The following CNTN4 variants were observed in gnomAD, a reference collection of about 807,000 sequenced individuals.
The protein encoded by CNTN4 is contactin 4.
Under a neutral mutation model 122.5 loss-of-function variants are expected in CNTN4, and 77 were observed. The ratio of observed to expected loss-of-function variants is 0.63; its 90% confidence interval spans 0.52 to 0.76. The LOEUF (loss-of-function observed/expected upper bound fraction) is 0.76, where lower values mean the gene tolerates loss of function less well. Among genes scored for constraint, CNTN4 ranks in the 30% least tolerant of loss-of-function variants. CNTN4 has a pLI of 0.00. For missense variants in CNTN4, 1,256 were observed against 1,259.1 expected (o/e 1.00, Z 0.04); for synonymous variants, 512 against 447.0 (o/e 1.15, Z -1.83).
intron 8 of CNTN4, among the ~76,000 whole-genome samples, chr3:2,878,474 G>C (rs1164100108): frequency 1.3e-5 from 2 of 151,788 alleles, no homozygotes; most frequent in Non-Finnish European, 2.9e-5. Flanking sequence ...ATTGGGCTAA[G>C]ATTTGTGAAG....
chr3:2,967,808 ATT>A (rs1443095263), intron 13 of CNTN4, among the ~76,000 whole-genome samples: 1 of 148,786 alleles, frequency 6.7e-6, no homozygotes, highest in African/African-American at 2.5e-5. Flanking sequence ...AAAGAAAGGC[ATT>A]TTGTTTTTCA....
At chr3:2,731,327 C>T (rs1479443273) in intron 4 of CNTN4, among the ~76,000 whole-genome samples, 1 of 152,042 alleles carries the variant, frequency 6.6e-6, no homozygotes, top group Non-Finnish European at 1.5e-5. Context: ...TGGGTTTATC[C>T]ATCCTAATTC....
At chr3:2,744,282 C>T (rs555171756) in intron 5 of CNTN4, among the ~76,000 whole-genome samples, 32 of 152,308 alleles carry the variant, frequency 2.1e-4, no homozygotes, top group African/African-American at 7.0e-4. Context: ...AACTAACTCA[C>T]GTACATTTTT....
intron 4 of CNTN4, among the ~76,000 whole-genome samples, chr3:2,659,425 G>A (rs1196625351): frequency 7.5e-6 from 1 of 133,774 alleles, no homozygotes; most frequent in Admixed American, 8.9e-5. Flanking sequence ...TCACATCACT[G>A]CACTTCACCC....
rs529738833 is a variant in CNTN4 at position 2,891,573 on chromosome 3, A to G, written c.940+4349A>G. Among the ~76,000 whole-genome samples the G allele has an allele frequency of 5.9e-5, 9 of 152,346 alleles. No homozygotes were observed. In the Middle Eastern group the frequency reaches 0.01, roughly 173 times the overall value. On this transcript the variant is annotated intron_variant, in intron 10 of 24. Transcript: ENST00000418658. ...TGCCCTCTGACCCAAAACCTAAAGG[A>G]TGAAAATGAGCTAGGCTTTCAAGGG...
At chr3:2,217,795 A>C (rs1436254494) in intron 2 of CNTN4, among the ~76,000 whole-genome samples, 1 of 152,234 alleles carries the variant, frequency 6.6e-6, no homozygotes, top group Non-Finnish European at 1.5e-5. Context: ...ATGACCTTAG[A>C]ACAACTATTA....
At position 3,056,446 on chromosome 3, in the gene CNTN4, A is replaced by G; in HGVS notation, c.*226A>G. ...TCTGCAATGCACTGAAGACATCTGT[A>G]ATATGATGTTACCAAAGCAGTTTAC... On this transcript the variant is annotated 3_prime_UTR_variant, in exon 25 of 25. Coordinates refer to ENST00000418658, the MANE Select transcript of CNTN4 (RefSeq NM_175607.3). 2.1e-6 allele frequency: 1 copy of G among 481,408 alleles called. No homozygotes were observed. The highest frequency in any genetic ancestry group is 1.9e-5 in the African/African-American group (1 of 51,522). The allele number at this position is 481,408 out of a possible 1,614,324, so 29.8% of individuals were successfully genotyped here. A position where few individuals can be genotyped will look rare whatever the true frequency, so the allele number is the denominator to read the frequency against.
At chr3:2,361,540 T>A (rs1307917636) in intron 3 of CNTN4, among the ~76,000 whole-genome samples, 2 of 152,196 alleles carry the variant, frequency 1.3e-5, no homozygotes, top group Non-Finnish European at 2.9e-5. Context: ...TTCTGTGACT[T>A]TGGCATTGTT....
In CNTN4 at chr3:2,495,139, C is replaced by T. The variant is rs182948739; in HGVS notation, c.-88-76277C>T. Reference sequence around the variant, plus strand: ...AGATTATTTGAAATGCCGCCTTCAACATCATAATCAATATTTAATAGCAAT... The same window carrying T: ...AGATTATTTGAAATGCCGCCTTCAATATCATAATCAATATTTAATAGCAAT... On this transcript the variant is annotated intron_variant, in intron 3 of 24. Coordinates refer to ENST00000418658, the MANE Select transcript of CNTN4 (RefSeq NM_175607.3). 2.5e-3 allele frequency among the ~76,000 whole-genome samples: 377 copies of T among 152,312 alleles called. 3 individuals are homozygous for T. Among genetic ancestry groups the T allele is most frequent in the African/African-American group, 8.3e-3 (347 of 41,572 alleles).
chr3:2,708,929 A>G (rs180693437), intron 4 of CNTN4, among the ~76,000 whole-genome samples: 1 of 152,350 alleles, frequency 6.6e-6, no homozygotes, highest in Non-Finnish European at 1.5e-5. Context: ...TTAAGTGTAT[A>G]CCCAATCATG....
intron 3 of CNTN4, among the ~76,000 whole-genome samples, chr3:2,497,835 A>G (rs2076492957): frequency 6.6e-6 from 1 of 152,208 alleles, no homozygotes; most frequent in Admixed American, 6.5e-5. Flanking sequence ...TCCACGGGAT[A>G]TAAACCTCAT....
At chr3:2,300,560 CTTTTTTTT>C (rs575192976) in intron 2 of CNTN4, among the ~76,000 whole-genome samples, 1 of 62,016 alleles carries the variant, frequency 1.6e-5, no homozygotes, top group Admixed American at 1.8e-4. Flanking sequence ...CAGTGACCGT[CTTTTTTTT>C]TTTTTTTTTT....
intron 2 of CNTN4, among the ~76,000 whole-genome samples, chr3:2,156,538 C>A (rs1196634845): frequency 6.6e-6 from 1 of 152,056 alleles, no homozygotes; most frequent in Non-Finnish European, 1.5e-5. Flanking sequence ...TGTGGGACAT[C>A]AAGAGATAAA....
intron 14 of CNTN4, among the ~76,000 whole-genome samples, chr3:3,021,000 C>T (rs990203605): frequency 6.6e-6 from 1 of 152,172 alleles, no homozygotes; most frequent in African/African-American, 2.4e-5. Flanking sequence ...GTTATTTATG[C>T]AACCTAAGAT....
intron 3 of CNTN4, among the ~76,000 whole-genome samples, chr3:2,407,089 G>A (rs191146796): frequency 7.9e-5 from 12 of 152,218 alleles, no homozygotes; most frequent in African/African-American, 2.4e-4. Flanking sequence ...CTCACATATT[G>A]AAGTGAACAA....
intron 2 of CNTN4, among the ~76,000 whole-genome samples, chr3:2,338,220 G>A (rs1008689519): frequency 1.3e-4 from 19 of 151,976 alleles, no homozygotes; most frequent in African/African-American, 3.9e-4. Flanking sequence ...CCTTCTGGTT[G>A]TTATCGATAT....
intron 10 of CNTN4, among the ~76,000 whole-genome samples, chr3:2,894,368 T>C (rs1050282433): frequency 6.6e-6 from 1 of 152,132 alleles, no homozygotes; most frequent in Non-Finnish European, 1.5e-5. Flanking sequence ...TGTGTTAGGG[T>C]TGGACATTTT....
intron 2 of CNTN4, among the ~76,000 whole-genome samples, chr3:2,268,602 C>G (rs1000830546): frequency 1.3e-5 from 2 of 151,822 alleles, no homozygotes; most frequent in Admixed American, 1.3e-4. Context: ...TTAGGATAGA[C>G]TAGGTCCTAG....
chr3:2,105,403 A>T (rs2032355084), intron 2 of CNTN4, among the ~76,000 whole-genome samples: 1 of 152,182 alleles, frequency 6.6e-6, no homozygotes, highest in African/African-American at 2.4e-5. Flanking sequence ...ACTGCCTGAG[A>T]CTGGGTAATT....
Sources: allele counts gnomAD v4.1 joint callset (sites outside exome capture counted in the v4.1 genomes callset), GRCh38; gene constraint gnomAD v4.1.1; transcripts MANE v1.5; gene names NCBI Gene and HGNC (gene_info 2026-07-23, HGNC 2026-07-21).